The following LIPI variants were observed in gnomAD, a reference collection of about 807,000 sequenced individuals.
The protein encoded by LIPI is lipase member I.
A neutral mutation model predicts 50.6 loss-of-function variants in LIPI; 59 were observed. That is an observed-to-expected ratio of 1.16 (90% CI 0.94 to 1.45). The LOEUF (loss-of-function observed/expected upper bound fraction) is 1.45, where lower values mean the gene tolerates loss of function less well. Ranked by LOEUF, LIPI falls within the 40% of genes most tolerant of loss-of-function variation. The pLI is 0.00. For synonymous variants in LIPI, 203 were observed against 178.2 expected, an observed-to-expected ratio of 1.14 and a Z score of -1.11; for missense variants, 586 against 536.3, an observed-to-expected ratio of 1.09 and a Z score of -0.92.
In LIPI at chr21:14,108,868, T is replaced by C. The variant is rs2016294056; in HGVS notation, c.*125A>G. Reference sequence around the variant, plus strand: ...TTTTCTTTATTTTTGATTCTTAAAATTTTTTCCAAGAAATAGAAATACTTG... The same window carrying C: ...TTTTCTTTATTTTTGATTCTTAAAACTTTTTCCAAGAAATAGAAATACTTG... On this transcript the variant is annotated 3_prime_UTR_variant, in exon 10 of 10. Coordinates refer to ENST00000681601, the MANE Select transcript of LIPI (RefSeq NM_001302998.2). 3 of 1,181,544 alleles carry C rather than the reference T, an allele frequency of 2.5e-6. No individual in the cohort carries two copies. The highest frequency in any genetic ancestry group is 2.4e-5 in the East Asian group (1 of 41,764). The allele number at this position is 1,181,544 out of a possible 1,614,324, so 73.2% of individuals were successfully genotyped here.
At chr21:14,141,234 A>C (rs1246881472) in intron 9 of LIPI, among the ~76,000 whole-genome samples, 1 of 152,066 alleles carries the variant, frequency 6.6e-6, no homozygotes, top group East Asian at 1.9e-4. Flanking sequence ...TTAGGTATCC[A>C]AAATATTGCA....
chr21:14,204,886 G>A (rs1367552747), intron 1 of LIPI, among the ~76,000 whole-genome samples: 1 of 151,752 alleles, frequency 6.6e-6, no homozygotes, highest in Non-Finnish European at 1.5e-5. Context: ...AAGAAACCAG[G>A]AAGCCAATAG....
intron 1 of LIPI, 76 bp from the exon 2 acceptor site, chr21:14,189,495 T>G: frequency 7.4e-7 from 1 of 1,349,920 alleles, no homozygotes; most frequent in Non-Finnish European, 1.0e-6. Flanking sequence ...AAGAACAGAA[T>G]TAAATGTGGA....
At chr21:14,114,480 G>A (rs556407988) in intron 9 of LIPI, among the ~76,000 whole-genome samples, 11 of 152,268 alleles carry the variant, frequency 7.2e-5, no homozygotes, top group Middle Eastern at 3.4e-3. Flanking sequence ...CCTGCCAGAG[G>A]AGCTAGAGAC....
Position 14,156,471 on chromosome 21 carries a change from A to G in LIPI, c.1007-3787T>C, listed in dbSNP as rs983100401. On this transcript the variant is annotated intron_variant, in intron 7 of 9. Coordinates refer to ENST00000681601, the MANE Select transcript of LIPI (RefSeq NM_001302998.2). ...CTAGAGCTGGAAAAGTTAAGAAAGT[A>G]TATTCTCCCCTGAGCCTCCAGAAAG... 1.2e-3 allele frequency among the ~76,000 whole-genome samples: 189 copies of G among 152,044 alleles called. 1 individual carries two copies. The highest frequency in any genetic ancestry group is 4.5e-3 in the African/African-American group (186 of 41,534).
intron 9 of LIPI, among the ~76,000 whole-genome samples, chr21:14,117,192 C>T (rs1281615769): frequency 6.6e-6 from 1 of 152,174 alleles, no homozygotes; most frequent in Admixed American, 6.5e-5. Flanking sequence ...AGGAGGAGAA[C>T]AGCTTTATCT....
chr21:14,153,209 T>A (rs939878534), intron 7 of LIPI, among the ~76,000 whole-genome samples: 1 of 152,170 alleles, frequency 6.6e-6, no homozygotes, highest in African/African-American at 2.4e-5. Context: ...GTAGAGTATA[T>A]CTTGCACAGG....
At chr21:14,167,876 A>G (rs1443623846) in intron 4 of LIPI, among the ~76,000 whole-genome samples, 6 of 152,262 alleles carry the variant, frequency 3.9e-5, no homozygotes, top group Non-Finnish European at 8.8e-5. Flanking sequence ...AATGACTTTG[A>G]CAAGCTGAGA....
At chr21:14,131,409 T>C (rs1351234877) in intron 9 of LIPI, among the ~76,000 whole-genome samples, 1 of 152,146 alleles carries the variant, frequency 6.6e-6, no homozygotes, top group Non-Finnish European at 1.5e-5. Context: ...CAACATCAAC[T>C]AATAACTACC....
At chr21:14,179,365 GT>G (rs915107033) in intron 4 of LIPI, among the ~76,000 whole-genome samples, 7 of 151,988 alleles carry the variant, frequency 4.6e-5, no homozygotes, top group African/African-American at 1.7e-4. Context: ...AAAAATCTGT[GT>G]TTCTTATTTG....
chr21:14,157,811 T>G (rs569490970), intron 7 of LIPI, among the ~76,000 whole-genome samples: 2 of 152,000 alleles, frequency 1.3e-5, no homozygotes, highest in Admixed American at 6.6e-5. Context: ...TGGCTGAATT[T>G]AAAAATTGCA....
At chr21:14,135,888 CA>C (rs1052984938) in intron 9 of LIPI, among the ~76,000 whole-genome samples, 1 of 151,820 alleles carries the variant, frequency 6.6e-6, no homozygotes, top group Non-Finnish European at 1.5e-5. Context: ...CTCGTGGCTC[CA>C]AAAAAAGACC....
chr21:14,129,989 T>A (rs1045804310), intron 9 of LIPI, among the ~76,000 whole-genome samples: 1 of 152,130 alleles, frequency 6.6e-6, no homozygotes, highest in Non-Finnish European at 1.5e-5. Context: ...ACAGCATCAT[T>A]TGAGGACCAA....
At chr21:14,198,911 C>T (rs2019954893) in intron 1 of LIPI, among the ~76,000 whole-genome samples, 1 of 152,072 alleles carries the variant, frequency 6.6e-6, no homozygotes, top group Non-Finnish European at 1.5e-5. Context: ...CAAAAAGTCT[C>T]TCATACCACA....
intron 9 of LIPI, among the ~76,000 whole-genome samples, chr21:14,131,204 C>A (rs2017281958): frequency 6.6e-6 from 1 of 152,114 alleles, no homozygotes; most frequent in South Asian, 2.1e-4. Context: ...CCCACCTCGG[C>A]CTCCCAAAGT....
intron 9 of LIPI, among the ~76,000 whole-genome samples, chr21:14,112,093 T>C (rs1398038238): frequency 6.6e-6 from 1 of 152,118 alleles, no homozygotes; most frequent in Non-Finnish European, 1.5e-5. Context: ...GAAGAGACTG[T>C]CCTTTCTCCA....
At chr21:14,109,515 A>G (rs2016320663) in intron 9 of LIPI, among the ~76,000 whole-genome samples, 2 of 152,102 alleles carry the variant, frequency 1.3e-5, no homozygotes. Flanking sequence ...AATGGAAATA[A>G]TAAATCCTAA....
intron 7 of LIPI, among the ~76,000 whole-genome samples, chr21:14,153,860 G>A (rs893295688): frequency 6.6e-6 from 1 of 152,052 alleles, no homozygotes; most frequent in Non-Finnish European, 1.5e-5. Context: ...GGTCTTACGT[G>A]AAAACATAAA....
chr21:14,210,603 C>G lies in LIPI; in HGVS notation c.46+197G>C, dbSNP rs531608961. ...AAGGAAATAAAATGCAAAATGTCAA[C>G]TTATTAAACAAACACATGCACACAC... On this transcript the variant is annotated intron_variant, in intron 1 of 9. Coordinates refer to ENST00000681601, the MANE Select transcript of LIPI (RefSeq NM_001302998.2). Among the ~76,000 whole-genome samples the G allele has an allele frequency of 4.0e-5, 6 of 151,526 alleles. No homozygotes were observed. In the South Asian group the frequency reaches 8.3e-4, roughly 21 times the overall value.
Sources: gnomAD v4.1 joint callset for allele counts (sites outside exome capture counted in the v4.1 genomes callset) on GRCh38, gnomAD v4.1.1 for gene constraint, MANE v1.5 for transcripts, NCBI Gene and HGNC (gene_info 2026-07-23, HGNC 2026-07-21) for gene names.